The following VPS53 variants were observed in gnomAD, a reference collection of about 807,000 sequenced individuals.
VPS53 encodes VPS53 subunit of GARP complex, also known as vacuolar protein sorting-associated protein 53 homolog.
Under a neutral mutation model 107.0 loss-of-function variants are expected in VPS53, and 70 were observed. That is an observed-to-expected ratio of 0.65 (90% CI 0.54 to 0.80). VPS53 has a LOEUF of 0.80. Ranked by LOEUF, VPS53 falls within the 30% of genes least tolerant of loss-of-function variation. The pLI is 0.00. For synonymous variants in VPS53, 409 were observed against 393.3 expected (o/e 1.04, Z -0.47); for missense variants, 917 against 1,049.4 (o/e 0.87, Z 1.74).
chr17:559,649 C>A (rs925091381), intron 15 of VPS53, among the ~76,000 whole-genome samples: 2 of 152,266 alleles, frequency 1.3e-5, no homozygotes, highest in African/African-American at 4.8e-5. Context: ...ACAGGAGCTC[C>A]AAGCTGGGCT....
At chr17:617,283 A>G (rs1044740598) in intron 11 of VPS53, among the ~76,000 whole-genome samples, 1 of 152,204 alleles carries the variant, frequency 6.6e-6, no homozygotes, top group African/African-American at 2.4e-5. Context: ...AGGCAGGAGC[A>G]TGGCTTGGGA....
intron 13 of VPS53, among the ~76,000 whole-genome samples, chr17:567,222 T>C (rs1006239863): frequency 2.7e-4 from 41 of 152,240 alleles, no homozygotes; most frequent in African/African-American, 9.6e-4. Flanking sequence ...AAAGAAAATG[T>C]TCACTTCAAA....
chr17:639,952 C>G (rs1214253995), intron 7 of VPS53, among the ~76,000 whole-genome samples: 2 of 152,352 alleles, frequency 1.3e-5, no homozygotes, highest in Admixed American at 1.3e-4. Flanking sequence ...TTTAAGTCTG[C>G]AGATGTTTCT....
rs78826281 is a variant in VPS53, at chr17:610,209, C to A, written c.1117-8313G>T. Among the ~76,000 whole-genome samples, 398 of 150,312 alleles carry A rather than the reference C, an allele frequency of 2.6e-3. 3 individuals carry two copies. The highest frequency in any genetic ancestry group is 9.4e-3 in the African/African-American group (384 of 40,732). On this transcript the variant is annotated intron_variant, in intron 11 of 21. Coordinates refer to ENST00000437048, the MANE Select transcript of VPS53 (RefSeq NM_001128159.3). Reference sequence around the variant, plus strand: ...AGTAGACAAAAATATTCATATAGCCCTATTTATAAAAGTGAGAAAAAACTA... The same window carrying A: ...AGTAGACAAAAATATTCATATAGCCATATTTATAAAAGTGAGAAAAAACTA...
At chr17:646,414 T>A (rs1481612386) in intron 7 of VPS53, among the ~76,000 whole-genome samples, 1 of 132,828 alleles carries the variant, frequency 7.5e-6, no homozygotes, top group African/African-American at 2.6e-5. Context: ...AAGGGTCTTA[T>A]CTTTTCTAAT....
intron 11 of VPS53, 46 bp downstream of exon 11, chr17:623,487 C>T: frequency 6.3e-7 from 1 of 1,582,814 alleles, no homozygotes; most frequent in Non-Finnish European, 8.6e-7. Flanking sequence ...ATCCCAACCA[C>T]CCAACCCACT....
At chr17:628,353 A>C (rs1969806764) in intron 8 of VPS53, 122 bp from the exon 9 acceptor site, 8 of 1,178,898 alleles carry the variant, frequency 6.8e-6, no homozygotes. Flanking sequence ...CTTCACACTC[A>C]TTCTTTCTGC....
intron 13 of VPS53, among the ~76,000 whole-genome samples, chr17:570,307 T>C (rs1452418533): frequency 2.2e-5 from 3 of 138,316 alleles, no homozygotes; most frequent in South Asian, 2.3e-4. Flanking sequence ...GAGGTGGAGG[T>C]TGCAGTGAGT....
chr17:611,152 T>C (rs542829256), intron 11 of VPS53, among the ~76,000 whole-genome samples: 7 of 152,058 alleles, frequency 4.6e-5, no homozygotes, highest in Non-Finnish European at 1.0e-4. Context: ...TAGCTGGGAT[T>C]ATAGGCACCC....
intron 11 of VPS53, among the ~76,000 whole-genome samples, chr17:607,482 G>C (rs1968640647): frequency 1.3e-5 from 2 of 152,202 alleles, no homozygotes; most frequent in South Asian, 4.1e-4. Context: ...TTGCTAAGAT[G>C]AAAGAACAAG....
chr17:624,599 A>G (rs1298291083), intron 10 of VPS53, among the ~76,000 whole-genome samples: 1 of 152,210 alleles, frequency 6.6e-6, no homozygotes, highest in Non-Finnish European at 1.5e-5. Context: ...TTTTAGCCAA[A>G]ATTCTAACAA....
intron 4 of VPS53, among the ~76,000 whole-genome samples, chr17:671,734 C>G (rs1361439883): frequency 6.8e-6 from 1 of 146,192 alleles, no homozygotes; most frequent in Non-Finnish European, 1.5e-5. Flanking sequence ...GAGACAGAGT[C>G]ACGCTTCGTC....
chr17:628,469 T>G (rs529425255), intron 8 of VPS53, among the ~76,000 whole-genome samples: 1 of 152,356 alleles, frequency 6.6e-6, no homozygotes, highest in South Asian at 2.1e-4. Flanking sequence ...CAATGAGATA[T>G]TTTGGGAAAT....
Position 707,665 on chromosome 17 carries a change from G to A in VPS53, c.168+2868C>T, listed in dbSNP as rs577428280. 7.2e-5 allele frequency among the ~76,000 whole-genome samples: 11 copies of A among 151,904 alleles called. No individual in the cohort carries two copies. The South Asian group carries it at 8.3e-4, about 11-fold the overall frequency. Reference sequence around the variant, plus strand: ...GGAGTTCGAGACCAGCCTGGGCTTCGTAGTGAGATCTCGTCTCTACTAAAA... The same window carrying A: ...GGAGTTCGAGACCAGCCTGGGCTTCATAGTGAGATCTCGTCTCTACTAAAA... On this transcript the variant is annotated intron_variant, in intron 2 of 21. Coordinates refer to ENST00000437048, the MANE Select transcript of VPS53 (RefSeq NM_001128159.3).
chr17:641,502 G>A (rs1255976418), intron 7 of VPS53, among the ~76,000 whole-genome samples: 1 of 152,218 alleles, frequency 6.6e-6, no homozygotes. Context: ...TTTCAGACTG[G>A]AGTACAGTGG....
chr17:537,324 C>T (rs1234539544), intron 17 of VPS53, 148 bp from the exon 18 acceptor site: 8 of 879,754 alleles, frequency 9.1e-6, no homozygotes, highest in South Asian at 3.5e-5. Flanking sequence ...GTTTCTTATT[C>T]GTTCTGTAGG....
intron 4 of VPS53, among the ~76,000 whole-genome samples, chr17:690,552 G>A (rs1972741424): frequency 1.3e-5 from 2 of 152,206 alleles, no homozygotes; most frequent in Non-Finnish European, 2.9e-5. Flanking sequence ...GTGGATGCAT[G>A]TGGACACACA....
At chr17:657,287 T>C (rs1424798713) in intron 5 of VPS53, 1 of 826,126 alleles carries the variant, frequency 1.2e-6, no homozygotes. Context: ...GGAAATTCTC[T>C]CCTGTCTTGT....
chr17:591,888 T>A (rs545118222), intron 12 of VPS53, among the ~76,000 whole-genome samples: 1 of 152,282 alleles, frequency 6.6e-6, no homozygotes, highest in East Asian at 1.9e-4. Flanking sequence ...GGTGGAGAGT[T>A]CTGTAGATGT....
Sources: gnomAD v4.1 joint callset for allele counts (sites outside exome capture counted in the v4.1 genomes callset) on GRCh38, gnomAD v4.1.1 for gene constraint, MANE v1.5 for transcripts, NCBI Gene and HGNC (gene_info 2026-07-23, HGNC 2026-07-21) for gene names.